The following TRAPPC10 variants were observed in gnomAD, a reference collection of about 807,000 sequenced individuals.
TRAPPC10 encodes the protein trafficking protein particle complex subunit 10, also known as TRAPP 130 kDa subunit.
TRAPPC10 carries 23 observed loss-of-function variants against 125.5 expected under a neutral mutation model. That is an observed-to-expected ratio of 0.18 (90% confidence interval 0.13 to 0.26). The LOEUF (loss-of-function observed/expected upper bound fraction) is 0.26, where lower values mean the gene tolerates loss of function less well. TRAPPC10 is among the 10% of genes least tolerant of loss of function. The probability of loss-of-function intolerance (pLI) is 1.00; values close to 1 mark genes in which losing one functional copy is unlikely to be tolerated. For synonymous variants in TRAPPC10, 509 were observed against 518.0 expected (o/e 0.98, Z 0.24); for missense variants, 1,123 against 1,308.4 (o/e 0.86, Z 2.19).
At chr21:44,058,937 G>T (rs903185036) in intron 5 of TRAPPC10, among the ~76,000 whole-genome samples, 166 bp from the exon 6 acceptor site, 1 of 152,254 alleles carries the variant, frequency 6.6e-6, no homozygotes, top group African/African-American at 2.4e-5. Flanking sequence ...TTGTGCATGC[G>T]TGAATGTTGA....
intron 1 of TRAPPC10, among the ~76,000 whole-genome samples, chr21:44,029,457 A>T (rs116559847): frequency 2.0e-5 from 3 of 152,218 alleles, no homozygotes; most frequent in Non-Finnish European, 4.4e-5. Flanking sequence ...CTCTAATTTC[A>T]TAAGACTTGA....
intron 7 of TRAPPC10, 149 bp from the exon 8 acceptor site, chr21:44,074,175 C>A (rs1428892902): frequency 4.6e-6 from 4 of 873,142 alleles, no homozygotes; most frequent in African/African-American, 1.7e-5. Flanking sequence ...CTTTCTCTCT[C>A]CTGTAGCTCT....
At chr21:44,077,882 A>G (rs2037403160) in intron 11 of TRAPPC10, 98 bp downstream of exon 11, 3 of 871,938 alleles carry the variant, frequency 3.4e-6, no homozygotes, top group South Asian at 4.2e-5. Flanking sequence ...ATAAATTTGT[A>G]GACTGAAAAG....
chr21:44,063,504 C>G lies in TRAPPC10; in HGVS notation c.791-34C>G. 6.2e-7 allele frequency: 1 copy of G among 1,606,004 alleles called. No homozygotes were observed. The highest frequency in any genetic ancestry group is 8.5e-7 in the Non-Finnish European group (1 of 1,174,766). ...GAAGCTCAGGAAGGTGAAGTACCTGCAATCAGCACCTTTCATGATGTGTGT... is the reference window on the plus strand; with the variant it reads ...GAAGCTCAGGAAGGTGAAGTACCTGGAATCAGCACCTTTCATGATGTGTGT... On this transcript the variant is annotated intron_variant, in intron 6 of 22. Transcript: ENST00000291574. The surrounding 1 kb of genome is among the most constrained non-coding windows in gnomAD (Gnocchi z 4.4).
intron 7 of TRAPPC10, among the ~76,000 whole-genome samples, chr21:44,069,964 G>A (rs2036742455): frequency 6.6e-6 from 1 of 151,902 alleles, no homozygotes; most frequent in Admixed American, 6.6e-5. Context: ...CGTGATCTTG[G>A]CTCACTGCAA....
In TRAPPC10 at chr21:44,087,691, C is replaced by T. The variant is rs1197005717; in HGVS notation, c.2540-8C>T. The T allele has an allele frequency of 2.5e-6, 4 of 1,611,922 alleles. No homozygotes were observed. Reference sequence around the variant, plus strand: ...CAGCTTTGAAGTGACTTTTTCTGTCCTTCGTAGAACAGTCTTCTGAGGCCG... The same window carrying T: ...CAGCTTTGAAGTGACTTTTTCTGTCTTTCGTAGAACAGTCTTCTGAGGCCG... On this transcript the variant is annotated splice_region_variant and splice_polypyrimidine_tract_variant and intron_variant, in intron 16 of 22. Coordinates refer to ENST00000291574, the MANE Select transcript of TRAPPC10 (RefSeq NM_003274.5). The surrounding 1 kb of genome is among the most constrained non-coding windows in gnomAD (Gnocchi z 4.6).
In TRAPPC10 at chr21:44,083,192, T is replaced by C. The variant is rs750302208; in HGVS notation, c.2128T>C (p.Ser710Pro). 11 of 1,614,194 alleles carry C rather than the reference T, an allele frequency of 6.8e-6. No individual in the cohort carries two copies. The highest frequency in any genetic ancestry group is 9.3e-6 in the Non-Finnish European group (11 of 1,180,034). ...GCTCCTGAGAAGGCAGGAGAGCAGC[T>C]CCTCTCTAGAGATGCCCTCAGGGGT... The part of the protein sequence containing the change: ...HMLLRRQESS[S>P]SLEMPSGVAL... The change falls in exon 14 of 23, where the codon TCC becomes CCC. Residue 710 changes from serine to proline, a missense_variant. Physicochemically the swap from Ser to Pro is moderately conservative, Grantham distance 74. Around this residue, in one of 4 missense-constraint regions of TRAPPC10, gnomAD observed 840 missense variants for 902.0 expected, o/e 0.93. Transcript: ENST00000291574.
Position 44,083,085 on chromosome 21 carries a change from T to C in TRAPPC10, c.2021T>C (p.Leu674Pro), listed in dbSNP as rs768954354. ...FPVSQNSLPA[L>P]ELYEMFERSP... is the part of the protein sequence containing the mutation. Reference sequence around the variant, plus strand: ...GTATCCCAAAACAGTTTGCCCGCGCTGGAGTTGTATGAAATGTTTGAGAGA... The same window carrying C: ...GTATCCCAAAACAGTTTGCCCGCGCCGGAGTTGTATGAAATGTTTGAGAGA... Residue 674 changes from leucine to proline, a missense_variant, in exon 14 of 23, where the codon CTG (leucine) becomes CCG (proline). This residue lies in a region of TRAPPC10 where 840 missense variants were observed against 902.0 expected (regional missense o/e 0.93). Coordinates refer to ENST00000291574, the MANE Select transcript of TRAPPC10 (RefSeq NM_003274.5). 3 of 1,613,984 alleles carry C rather than the reference T, an allele frequency of 1.9e-6. No individual in the cohort carries two copies. The African/African-American group carries it at 4.0e-5, about 22-fold the overall frequency.
At chr21:44,048,547 G>T (rs1569166118) in intron 3 of TRAPPC10, among the ~76,000 whole-genome samples, 1 of 152,178 alleles carries the variant, frequency 6.6e-6, no homozygotes, top group Non-Finnish European at 1.5e-5. Context: ...AGGCTGGAGT[G>T]TAGTAGTGAG....
rs1021994517 is a variant in TRAPPC10 at position 44,055,972 on chromosome 21, C to T, written c.678+79C>T. On this transcript the variant is annotated intron_variant, in intron 5 of 22. Coordinates refer to ENST00000291574, the MANE Select transcript of TRAPPC10 (RefSeq NM_003274.5). ...TCCCTCCCTCTCTCCTCCTTTCTTT[C>T]TAAGTAAGGCACCTCTCGTGGTAAT... 6 of 1,251,694 alleles carry T rather than the reference C, an allele frequency of 4.8e-6. No homozygotes were observed. The African/African-American group carries it at 7.4e-5, about 15-fold the overall frequency. The allele number at this position is 1,251,694 out of a possible 1,614,324, so 77.5% of individuals were successfully genotyped here.
intron 1 of TRAPPC10, among the ~76,000 whole-genome samples, chr21:44,030,236 A>C (rs900912471): frequency 4.1e-5 from 6 of 147,728 alleles, no homozygotes; most frequent in African/African-American, 7.6e-5. Flanking sequence ...TGTGAGAGAG[A>C]GAGCGAGAGA....
chr21:44,084,054 C>A, intron 14 of TRAPPC10, 68 bp from the exon 15 acceptor site: 1 of 1,589,326 alleles, frequency 6.3e-7, no homozygotes, highest in Non-Finnish European at 8.6e-7. Flanking sequence ...CGCTGCACCG[C>A]GCTACCGCAG....
chr21:44,085,881 C>T (rs2038091312), intron 15 of TRAPPC10, among the ~76,000 whole-genome samples: 1 of 152,204 alleles, frequency 6.6e-6, no homozygotes, highest in Non-Finnish European at 1.5e-5. Context: ...GTGAATGTCT[C>T]CTTTGTTCGG....
At chr21:44,061,604 G>T (rs1052881734) in intron 6 of TRAPPC10, among the ~76,000 whole-genome samples, 1 of 152,138 alleles carries the variant, frequency 6.6e-6, no homozygotes, top group Non-Finnish European at 1.5e-5. Flanking sequence ...TTAAAAAATA[G>T]ATTTATTTAG....
At chr21:44,060,911 T>TACACACACACAC (rs1230320455) in intron 6 of TRAPPC10, among the ~76,000 whole-genome samples, 269 of 106,428 alleles carry the variant, frequency 2.5e-3, no homozygotes, top group African/African-American at 0.012. Context: ...TATACATACA[T>TACACACACACAC]ACATACACAC....
At chr21:44,034,380 T>G (rs2033831873) in intron 2 of TRAPPC10, among the ~76,000 whole-genome samples, 2 of 136,000 alleles carry the variant, frequency 1.5e-5, no homozygotes, top group Admixed American at 1.6e-4. Context: ...AAAGTCTTTC[T>G]GTGGACAGAA....
At chr21:44,033,204 G>A (rs968763286) in intron 2 of TRAPPC10, among the ~76,000 whole-genome samples, 20 of 152,130 alleles carry the variant, frequency 1.3e-4, no homozygotes, top group African/African-American at 4.1e-4. Context: ...AGAATTTCCT[G>A]TTGTTCTTTG....
intron 4 of TRAPPC10, among the ~76,000 whole-genome samples, chr21:44,053,661 G>C (rs540535189): frequency 3.1e-4 from 47 of 152,282 alleles, no homozygotes; most frequent in Admixed American, 3.0e-3. Context: ...GCTGGTAGAG[G>C]CAAGGGTTGA....
In TRAPPC10 at chr21:44,086,949, C is replaced by T; in HGVS notation, c.2528C>T (p.Ser843Phe). Residue 843 changes from serine to phenylalanine, a missense_variant, in exon 16 of 23, where the codon TCC (serine) becomes TTC (phenylalanine). Ser to Phe is a radical substitution (Grantham distance 155). This residue lies in a region of TRAPPC10 where 840 missense variants were observed against 902.0 expected (regional missense o/e 0.93). Transcript: ENST00000291574. ...CQAESRAVVY[S>F]NTREQSSEAA... is the part of the protein sequence containing the mutation. ...GCGGAGAGCAGGGCTGTGGTCTACT[C>T]CAACACGAGAGGTGAGGTGCCGCCC... is the stretch of plus-strand genomic sequence containing the variant. 6.2e-7 allele frequency: 1 copy of T among 1,614,060 alleles called. No individual in the cohort carries two copies. The highest frequency in any genetic ancestry group is 8.5e-7 in the Non-Finnish European group (1 of 1,179,964).
Sources: gnomAD v4.1 joint callset for allele counts (sites outside exome capture counted in the v4.1 genomes callset) on GRCh38, gnomAD v4.1.1 for gene constraint, gnomAD v4.1.1 regional missense constraint, Gnocchi (gnomAD v3.1) non-coding constraint, MANE v1.5 for transcripts, NCBI Gene and HGNC (gene_info 2026-07-23, HGNC 2026-07-21) for gene names.